The following PPP2R2C variants were observed in gnomAD, a reference collection of about 807,000 sequenced individuals.
PPP2R2C encodes protein phosphatase 2 regulatory subunit Bgamma.
A neutral mutation model predicts 45.3 loss-of-function variants in PPP2R2C; 10 were observed. The ratio of observed to expected loss-of-function variants is 0.22; its 90% confidence interval spans 0.14 to 0.37. The LOEUF is 0.37. Among genes scored for constraint, PPP2R2C ranks in the 10% least tolerant of loss-of-function variants. The pLI, the probability that PPP2R2C is intolerant of heterozygous loss-of-function variation, is 1.00. For missense variants in PPP2R2C, 308 were observed against 619.7 expected, an observed-to-expected ratio of 0.50 and a Z score of 5.34; for synonymous variants, 257 against 245.4, an observed-to-expected ratio of 1.05 and a Z score of -0.44.
chr4:6,382,363 C>T, intron 1 of PPP2R2C: 1 of 1,335,386 alleles, frequency 7.5e-7, no homozygotes, highest in Non-Finnish European at 9.9e-7. Flanking sequence ...AGCCACAGAT[C>T]TGACCGTTGC....
At chr4:6,429,284 T>C (rs1470627101) in intron 1 of PPP2R2C, among the ~76,000 whole-genome samples, 1 of 152,242 alleles carries the variant, frequency 6.6e-6, no homozygotes, top group East Asian at 1.9e-4. Flanking sequence ...ACTTTTGATT[T>C]CATTTCTAGG....
chr4:6,432,441 C>G (rs1483076648), intron 1 of PPP2R2C, among the ~76,000 whole-genome samples: 3 of 152,190 alleles, frequency 2.0e-5, no homozygotes, highest in Admixed American at 6.5e-5. Flanking sequence ...GGACCCAGCG[C>G]CTGCTGCCTC....
chr4:6,472,776 G>A (rs1008670343), upstream of PPP2R2C, among the ~76,000 whole-genome samples: 15 of 151,918 alleles, frequency 9.9e-5, no homozygotes, highest in African/African-American at 3.4e-4. Context: ...GGTGCGCCAC[G>A]GGGGAGGGAG....
rs1723673431 is a variant in PPP2R2C at position 6,512,521 on chromosome 4, GTGGTGGTGATGGTGATGGTGGTGA to G, written c.49+22726_49+22749del. ...GGTGGTGGTGGTGATGTTGGTGGTG[GTGGTGGTGATGGTGATGGTGGTGA>G]TGGTGGTGATGGTGGTGGTGGTGGT... On this transcript the variant is annotated intron_variant, in intron 2 of 9. Transcript: ENST00000506140. Among the ~76,000 whole-genome samples the G allele has an allele frequency of 3.6e-4, 41 of 114,808 alleles. 2 individuals carry two copies. The South Asian group carries it at 0.015, about 43-fold the overall frequency. 75.3% of individuals were successfully genotyped at this position (114,808 alleles called of 152,430 possible).
intron 1 of PPP2R2C, among the ~76,000 whole-genome samples, chr4:6,403,983 T>C (rs905128998): frequency 6.6e-6 from 1 of 152,126 alleles, no homozygotes; most frequent in African/African-American, 2.4e-5. Flanking sequence ...GGGACTGCCC[T>C]CTCTCTCCAA....
chr4:6,336,646 TCCC>T (rs1732890197), intron 6 of PPP2R2C, among the ~76,000 whole-genome samples: 1 of 6,320 alleles, frequency 1.6e-4, no homozygotes. Flanking sequence ...CCTCCCTCCC[TCCC>T]TCCCTCCCTC....
At chr4:6,386,409 G>T (rs4689427) in intron 1 of PPP2R2C, among the ~76,000 whole-genome samples, 142,224 of 152,194 alleles carry the variant, frequency 0.93, 66,536 homozygotes, top group East Asian at 1. Context: ...CAGATCCCCA[G>T]AGGGGGCAAA....
chr4:6,469,444 G>A (rs10937734), intron 1 of PPP2R2C, among the ~76,000 whole-genome samples: 76,886 of 152,040 alleles, frequency 0.51, 20,966 homozygotes, highest in East Asian at 0.66. Context: ...TGGTTCTTCC[G>A]CAAACTGAAT....
Position 6,376,318 on chromosome 4 carries a change from T to A in PPP2R2C, c.335-387A>T, listed in dbSNP as rs549594407. 1.5e-4 allele frequency among the ~76,000 whole-genome samples: 23 copies of A among 152,164 alleles called. No homozygotes were observed. The South Asian group carries it at 4.8e-3, about 32-fold the overall frequency. On this transcript the variant is annotated intron_variant, in intron 3 of 8. Coordinates refer to ENST00000382599, the MANE Select transcript of PPP2R2C (RefSeq NM_020416.4). ...TGGGGTCAGTGGAGCATCTGAAAGG[T>A]ACCCAAGGCCCTGCCATTAGGAAAG...
chr4:6,439,748 TG>T (rs1256322433), intron 1 of PPP2R2C, among the ~76,000 whole-genome samples: 3 of 152,214 alleles, frequency 2.0e-5, no homozygotes, highest in African/African-American at 7.2e-5. Flanking sequence ...CTCTGTTGAA[TG>T]GCTGTATTTT....
At chr4:6,348,999 C>T in intron 5 of PPP2R2C, 1 of 985,084 alleles carries the variant, frequency 1.0e-6, no homozygotes, top group Non-Finnish European at 1.2e-6. Flanking sequence ...AGGCTGGATT[C>T]AGCCTCACAA....
chr4:6,438,417 AG>A (rs1184213031), intron 1 of PPP2R2C, among the ~76,000 whole-genome samples: 1 of 152,190 alleles, frequency 6.6e-6, no homozygotes, highest in African/African-American at 2.4e-5. Context: ...CCTACCTCTT[AG>A]CTCAGTTTGG....
intron 8 of PPP2R2C, among the ~76,000 whole-genome samples, chr4:6,326,814 G>GC (rs1731982078): frequency 6.6e-6 from 1 of 152,216 alleles, no homozygotes; most frequent in African/African-American, 2.4e-5. Context: ...GTGCTAGGAA[G>GC]CCCCACGGCA....
At chr4:6,548,363 A>G (rs898476126) in intron 1 of PPP2R2C, among the ~76,000 whole-genome samples, 1 of 152,164 alleles carries the variant, frequency 6.6e-6, no homozygotes, top group African/African-American at 2.4e-5. Context: ...TCCACCTCCA[A>G]GCTTCCTGCT....
intron 1 of PPP2R2C, among the ~76,000 whole-genome samples, chr4:6,557,195 G>A (rs1210299413): frequency 6.6e-6 from 1 of 152,164 alleles, no homozygotes; most frequent in Non-Finnish European, 1.5e-5. Flanking sequence ...TCACTGTATT[G>A]TGGTCCTGCA....
At chr4:6,561,413 C>A (rs1725575064) in intron 1 of PPP2R2C, among the ~76,000 whole-genome samples, 1 of 150,632 alleles carries the variant, frequency 6.6e-6, no homozygotes, top group African/African-American at 2.4e-5. Flanking sequence ...CAGGGCCCTG[C>A]ATTTTCATTT....
chr4:6,527,268 G>A (rs1053686321), intron 2 of PPP2R2C, among the ~76,000 whole-genome samples: 24 of 152,296 alleles, frequency 1.6e-4, no homozygotes, highest in Middle Eastern at 3.4e-3. Flanking sequence ...TCAGGGCCTC[G>A]GTTTACCCCG....
At chr4:6,510,967 A>G (rs1489425614) in intron 2 of PPP2R2C, among the ~76,000 whole-genome samples, 2 of 127,698 alleles carry the variant, frequency 1.6e-5, no homozygotes, top group African/African-American at 5.8e-5. Context: ...ACAGAGTGAG[A>G]CTCCGTCTCA....
intron 5 of PPP2R2C, among the ~76,000 whole-genome samples, chr4:6,365,867 C>A (rs977602639): frequency 5.3e-5 from 8 of 152,172 alleles, no homozygotes; most frequent in African/African-American, 1.7e-4. Flanking sequence ...CTTTTAAATT[C>A]TCTGGGTGCT....
Sources: gnomAD v4.1 joint callset for allele counts (sites outside exome capture counted in the v4.1 genomes callset) on GRCh38, gnomAD v4.1.1 for gene constraint, MANE v1.5 for transcripts, NCBI Gene and HGNC (gene_info 2026-07-23, HGNC 2026-07-21) for gene names.